The following SPO11 variants were observed in gnomAD, a reference collection of about 807,000 sequenced individuals.
SPO11 encodes the protein SPO11 initiator of meiotic double strand breaks, also known as meiotic recombination protein SPO11.
In SPO11, 49 loss-of-function variants were observed where a neutral mutation model predicts 51.6. The ratio of observed to expected loss-of-function variants is 0.95; its 90% CI spans 0.75 to 1.20. The LOEUF (loss-of-function observed/expected upper bound fraction) is 1.20, where lower values mean the gene tolerates loss of function less well. Among genes scored for constraint, SPO11 ranks in the 50% most tolerant of loss-of-function variants. The probability of loss-of-function intolerance (pLI) is 0.00; values close to 1 mark genes in which losing one functional copy is unlikely to be tolerated. For missense variants in SPO11, 431 were observed against 473.4 expected (o/e 0.91, Z 0.83); for synonymous variants, 176 against 158.2 (o/e 1.11, Z -0.84).
intron 8 of SPO11, 25 bp downstream of exon 8, chr20:57,335,932 T>A: frequency 1.9e-5 from 25 of 1,308,644 alleles, no homozygotes; most frequent in Non-Finnish European, 2.8e-5. Flanking sequence ...TTTACTACAA[T>A]TCCAAGACTA....
chr20:57,335,690 A>C, intron 7 of SPO11, 108 bp from the exon 8 acceptor site: 1 of 739,580 alleles, frequency 1.4e-6, no homozygotes, highest in South Asian at 1.8e-5. Context: ...GTACAAACTA[A>C]AATGTTGTAT....
chr20:57,337,724 A>G lies in SPO11; in HGVS notation c.745-552A>G, dbSNP rs772557615. 1.3e-4 allele frequency: 169 copies of G among 1,282,402 alleles called. 1 individual carries two copies. Among genetic ancestry groups the G allele is most frequent in the Non-Finnish European group, 1.6e-4 (158 of 978,570 alleles). 79.4% of individuals were successfully genotyped at this position (1,282,402 alleles called of 1,614,324 possible). Reference sequence around the variant, plus strand: ...TTCAGTCTGTTTGTATATAATGTACATTTTTTTTTCACAGTCAACACCAGT... The same window carrying G: ...TTCAGTCTGTTTGTATATAATGTACGTTTTTTTTTCACAGTCAACACCAGT... On this transcript the variant is annotated intron_variant, in intron 8 of 12. Transcript: ENST00000371263.
In SPO11 at chr20:57,333,695, C is replaced by T; in HGVS notation, c.343C>T (p.Leu115Phe). The change falls in exon 4 of 13, where the codon CTT (leucine) becomes TTT (phenylalanine). Residue 115 changes from leucine (L) to phenylalanine (F), a missense_variant. Transcript: ENST00000371263. ...TGAATTTTATTTTCCAGCTCTAATC[C>T]TTAAAATATTGTCCATGATTTATAA... ...PKSAQKFSLI[L>F]KILSMIYKLV... The T allele has an allele frequency of 1.3e-6, 2 of 1,494,938 alleles. No homozygotes were observed. The highest frequency in any genetic ancestry group is 2.4e-5 in the South Asian group (2 of 84,924). The allele number at this position is 1,494,938 out of a possible 1,614,324, so 92.6% of individuals were successfully genotyped here.
rs757604378 is a variant in SPO11, at chr20:57,343,516, T to C, written c.*56T>C. 42 of 1,526,136 alleles carry C rather than the reference T, an allele frequency of 2.8e-5. No individual in the cohort carries two copies. Among genetic ancestry groups the C allele is most frequent in the Non-Finnish European group, 3.5e-5 (40 of 1,132,194 alleles). The allele number at this position is 1,526,136 out of a possible 1,614,324, so 94.5% of individuals were successfully genotyped here. Reference sequence around the variant, plus strand: ...AGGCTTTTCATTAGTTTTGTTTTGATTGGCAAATACTATTGTGGAAAGAAC... The same window carrying C: ...AGGCTTTTCATTAGTTTTGTTTTGACTGGCAAATACTATTGTGGAAAGAAC... On this transcript the variant is annotated 3_prime_UTR_variant, in exon 13 of 13. Transcript: ENST00000371263.
At chr20:57,341,361 G>A (rs2146101445) in intron 11 of SPO11, among the ~76,000 whole-genome samples, 1 of 152,272 alleles carries the variant, frequency 6.6e-6, no homozygotes, top group East Asian at 1.9e-4. Flanking sequence ...CATAATCAGG[G>A]TTTGACTGTT....
chr20:57,343,269 T>C lies in SPO11; in HGVS notation c.1072-72T>C. On this transcript the variant is annotated intron_variant, in intron 12 of 12. Transcript: ENST00000371263. ...TTTTGGAGAATAAAGCAATTCTAGA[T>C]TACTAGTTTGTTGAATTGACAGAAA... The C allele has an allele frequency of 2.6e-6, 4 of 1,547,592 alleles. No individual in the cohort carries two copies. The South Asian group carries it at 4.7e-5, about 18-fold the overall frequency.
chr20:57,342,907 A>G (rs527682532), intron 12 of SPO11, 67 bp downstream of exon 12: 94 of 1,090,728 alleles, frequency 8.6e-5, no homozygotes, highest in Non-Finnish European at 1.1e-4. Flanking sequence ...GTGGCTATTC[A>G]CATCGTATTT....
chr20:57,342,498 A>G (rs2066594666), intron 11 of SPO11, among the ~76,000 whole-genome samples: 1 of 152,214 alleles, frequency 6.6e-6, no homozygotes, highest in African/African-American at 2.4e-5. Context: ...CATGAAGGAA[A>G]ACAAAAACTT....
intron 1 of SPO11, 94 bp from the exon 2 acceptor site, chr20:57,331,739 A>G: frequency 1.7e-6 from 1 of 602,156 alleles, no homozygotes. Flanking sequence ...GAATAAAATA[A>G]AAAGTTACTT....
At chr20:57,334,627 C>G (rs1476283803) in intron 5 of SPO11, 123 bp from the exon 6 acceptor site, 1 of 664,654 alleles carries the variant, frequency 1.5e-6, no homozygotes, top group East Asian at 2.9e-5. Context: ...TTTTCTCTTT[C>G]ATCTCTGAAA....
chr20:57,335,122 T>A (rs1006814322), intron 6 of SPO11, among the ~76,000 whole-genome samples: 1 of 152,226 alleles, frequency 6.6e-6, no homozygotes, highest in Admixed American at 6.5e-5. Context: ...TATTTAGTAA[T>A]GTTCATAAAA....
chr20:57,337,872 A>G (rs761261219), intron 8 of SPO11: 5 of 618,570 alleles, frequency 8.1e-6, no homozygotes, highest in Non-Finnish European at 1.2e-5. Flanking sequence ...AGCATAACCT[A>G]TAATTTATTA....
Position 57,338,348 on chromosome 20 carries a change from T to G in SPO11, c.817T>G (p.Phe273Val). The change falls in exon 9 of 13, where the codon TTC becomes GTC. Residue 273 changes from phenylalanine to valine, a missense_variant. By Grantham distance (50) the Phe-to-Val change is conservative (BLOSUM62 -1). Transcript: ENST00000371263. The stretch of plus-strand genomic sequence containing the variant: ...GTGGGATACATTTCATGTTCCTGTT[T>G]TCACTCTTGTAGATGCTGATCCACA... ...KLWDTFHVPV[F>V]TLVDADPHGI... 6.2e-7 allele frequency: 1 copy of G among 1,613,540 alleles called. No homozygotes were observed.
chr20:57,335,326 G>C, intron 6 of SPO11, 93 bp from the exon 7 acceptor site: 1 of 1,064,262 alleles, frequency 9.4e-7, no homozygotes, highest in Non-Finnish European at 1.4e-6. Context: ...TGACTGGTAT[G>C]GTCAAAGAAA....
intron 1 of SPO11, among the ~76,000 whole-genome samples, chr20:57,330,666 T>C (rs1287048359): frequency 6.6e-6 from 1 of 152,240 alleles, no homozygotes; most frequent in Non-Finnish European, 1.5e-5. Flanking sequence ...TTATTTTGTT[T>C]CCTCGACTTG....
chr20:57,331,596 AT>A (rs1430859906), intron 1 of SPO11, among the ~76,000 whole-genome samples: 9 of 152,208 alleles, frequency 5.9e-5, no homozygotes, highest in Non-Finnish European at 8.8e-5. Context: ...AGCAAATGAA[AT>A]TTATTTGTAA....
chr20:57,330,001 A>T lies in SPO11; in HGVS notation c.131+3A>T. ...GGGGGAAGCCGCCTGGCCTCCAGGT[A>T]CAGGAGCTGGTGCCGAGGCGCGACG... On this transcript the variant is annotated splice_donor_region_variant and intron_variant, in intron 1 of 12. Transcript: ENST00000371263. 1 of 1,591,082 alleles carries T rather than the reference A, an allele frequency of 6.3e-7. No individual in the cohort carries two copies. Among genetic ancestry groups the T allele is most frequent in the South Asian group, 1.1e-5 (1 of 89,352 alleles).
rs774635696 is a variant in SPO11, at chr20:57,329,831, C to A, written c.-37C>A. On this transcript the variant is annotated 5_prime_UTR_variant, in exon 1 of 13. Coordinates refer to ENST00000371263, the MANE Select transcript of SPO11 (RefSeq NM_012444.3). ...CACGCCCCAAGGGCGCAGCCTAGGA[C>A]AGGGGCTTCTGGAGCTTCTGGCAGC... 2 of 1,597,394 alleles carry A rather than the reference C, an allele frequency of 1.3e-6. No individual in the cohort carries two copies. The highest frequency in any genetic ancestry group is 1.1e-5 in the South Asian group (1 of 89,916).
At chr20:57,335,225 T>C (rs976086716) in intron 6 of SPO11, among the ~76,000 whole-genome samples, 194 bp from the exon 7 acceptor site, 2 of 152,212 alleles carry the variant, frequency 1.3e-5, no homozygotes, top group Non-Finnish European at 2.9e-5. Flanking sequence ...AGTACCCCTG[T>C]TGGGAGAATT....
Sources: allele counts gnomAD v4.1 joint callset (sites outside exome capture counted in the v4.1 genomes callset), GRCh38; gene constraint gnomAD v4.1.1; transcripts MANE v1.5; gene names NCBI Gene and HGNC (gene_info 2026-07-23, HGNC 2026-07-21).